Variants in NMT2 observed in about 807,000 individuals in gnomAD.
The protein encoded by NMT2 is glycylpeptide N-tetradecanoyltransferase 2.
A neutral mutation model predicts 65.4 loss-of-function variants in NMT2; 35 were observed. The ratio of observed to expected loss-of-function variants is 0.54; its 90% CI spans 0.41 to 0.71. NMT2 has a LOEUF of 0.71. Ranked by LOEUF, NMT2 falls within the 30% of genes least tolerant of loss-of-function variation. NMT2 has a pLI of 0.00. For missense variants in NMT2, 489 were observed against 611.3 expected (o/e 0.80, Z 2.11); for synonymous variants, 226 against 231.8 (o/e 0.98, Z 0.23).
At chr10:15,132,061 C>T (rs1210993803) in intron 6 of NMT2, among the ~76,000 whole-genome samples, 2 of 151,982 alleles carry the variant, frequency 1.3e-5, no homozygotes, top group Non-Finnish European at 2.9e-5. Context: ...GATGGGGTTT[C>T]GCCATGTTGG....
rs1564557199 is a variant in NMT2, at chr10:15,112,196, A to AGGGC, written c.1338+599_1338+600insGCCC. On this transcript the variant is annotated intron_variant, in intron 10 of 11. Transcript: ENST00000378165. ...GCTTTATATATATATATATATATAT[A>AGGGC]TATATATATATATATATATATTTTT... Among the ~76,000 whole-genome samples, 57 of 12,744 alleles carry AGGGC rather than the reference A, an allele frequency of 4.5e-3. 2 individuals are homozygous for AGGGC. Among genetic ancestry groups the AGGGC allele is most frequent in the Middle Eastern group, 0.019 (1 of 54 alleles). The allele number at this position is 12,744 out of a possible 152,430, so 8.4% of individuals were successfully genotyped here. A position where few individuals can be genotyped will look rare whatever the true frequency, so the allele number is the denominator to read the frequency against.
chr10:15,136,074 A>G (rs1304556687), intron 2 of NMT2, among the ~76,000 whole-genome samples: 1 of 151,974 alleles, frequency 6.6e-6, no homozygotes, highest in Non-Finnish European at 1.5e-5. Flanking sequence ...CAACAATACA[A>G]AAATTAGCCA....
intron 2 of NMT2, among the ~76,000 whole-genome samples, chr10:15,136,493 TGGAA>T (rs1205963402): frequency 7.4e-5 from 11 of 147,700 alleles, no homozygotes; most frequent in African/African-American, 1.0e-4. Context: ...GAAGGACAGA[TGGAA>T]GGAAGGAAGG....
intron 4 of NMT2, 26 bp from the exon 5 acceptor site, chr10:15,133,170 C>A: frequency 6.2e-7 from 1 of 1,604,370 alleles, no homozygotes; most frequent in Non-Finnish European, 8.5e-7. Context: ...AGTGTCCTAT[C>A]CATGGTGCTC....
At chr10:15,164,932 G>T (rs1264997405) in intron 1 of NMT2, among the ~76,000 whole-genome samples, 1 of 152,212 alleles carries the variant, frequency 6.6e-6, no homozygotes, top group East Asian at 1.9e-4. Flanking sequence ...TTGGGATGCA[G>T]AGGTGGGGAT....
chr10:15,134,529 C>T (rs1411579795), intron 3 of NMT2, among the ~76,000 whole-genome samples: 1 of 152,204 alleles, frequency 6.6e-6, no homozygotes, highest in South Asian at 2.1e-4. Flanking sequence ...GCCGCTCCTC[C>T]CCAGCCTGGC....
intron 6 of NMT2, among the ~76,000 whole-genome samples, chr10:15,132,103 G>A (rs1296965501): frequency 1.3e-5 from 2 of 152,144 alleles, no homozygotes; most frequent in Non-Finnish European, 2.9e-5. Flanking sequence ...GACCTCAAGT[G>A]ATCTGCCAGC....
chr10:15,138,487 C>A, intron 2 of NMT2: 1 of 470,936 alleles, frequency 2.1e-6, no homozygotes, highest in South Asian at 1.5e-5. Context: ...GAATATCTAC[C>A]CGACATTAAC....
intron 1 of NMT2, among the ~76,000 whole-genome samples, chr10:15,158,379 A>T (rs190167789): frequency 1.3e-5 from 2 of 152,278 alleles, no homozygotes; most frequent in Admixed American, 1.3e-4. Flanking sequence ...GTTACCATTT[A>T]AAAATGTTGG....
chr10:15,122,612 A>C (rs1564565351), intron 8 of NMT2, among the ~76,000 whole-genome samples: 1 of 151,988 alleles, frequency 6.6e-6, no homozygotes, highest in Non-Finnish European at 1.5e-5. Flanking sequence ...GTAGAGATGC[A>C]GTTTTATCGT....
intron 3 of NMT2, among the ~76,000 whole-genome samples, chr10:15,133,837 C>G (rs11259510): frequency 0.034 from 5,136 of 152,304 alleles, 96 homozygotes; most frequent in Middle Eastern, 0.044. Flanking sequence ...ATCCTCCCAC[C>G]TCAGCCTCCC....
intron 1 of NMT2, chr10:15,155,209 G>A: frequency 6.5e-7 from 1 of 1,532,772 alleles, no homozygotes; most frequent in Non-Finnish European, 9.0e-7. Flanking sequence ...CCAGTGCTCA[G>A]AGCACGAAAG....
chr10:15,135,453 A>G lies in NMT2; in HGVS notation c.247-35T>C, dbSNP rs1320364164. On this transcript the variant is annotated intron_variant, in intron 2 of 11. Coordinates refer to ENST00000378165, the MANE Select transcript of NMT2 (RefSeq NM_004808.3). ...CAAAGACAGACACAGAATATGAGAG[A>G]GCGGCTGCTGATGTTAAACTTGAGC... The G allele has an allele frequency of 3.1e-6, 5 of 1,604,068 alleles. No homozygotes were observed. The East Asian group carries it at 1.1e-4, about 36-fold the overall frequency.
At position 15,107,720 on chromosome 10, in the gene NMT2, G is replaced by A; in HGVS notation, c.*1475C>T. 2.1e-6 allele frequency: 2 copies of A among 963,236 alleles called. No individual in the cohort carries two copies. The highest frequency in any genetic ancestry group is 2.5e-6 in the Non-Finnish European group (2 of 809,708). 59.7% of individuals were successfully genotyped at this position (963,236 alleles called of 1,614,324 possible). On this transcript the variant is annotated 3_prime_UTR_variant, in exon 12 of 12. Transcript: ENST00000378165. The stretch of plus-strand genomic sequence containing the variant: ...TTCGCCCGCCTTGGCCTCCCAAAGT[G>A]CTGGGATTACAGGCGTGAGCCACCA...
rs1315863266 is a variant in NMT2, at chr10:15,108,597, C to G, written c.*598G>C. The G allele has an allele frequency of 2.0e-6, 2 of 985,766 alleles. No homozygotes were observed. Among genetic ancestry groups the G allele is most frequent in the Non-Finnish European group, 2.4e-6 (2 of 830,322 alleles). The allele number at this position is 985,766 out of a possible 1,614,324, so 61.1% of individuals were successfully genotyped here. On this transcript the variant is annotated 3_prime_UTR_variant, in exon 12 of 12. Coordinates refer to ENST00000378165, the MANE Select transcript of NMT2 (RefSeq NM_004808.3). Reference sequence around the variant, plus strand: ...ACTTGCATGTTTATTGATTCGGCAACTCTGCTTATGGAGAAATACATGTAC... The same window carrying G: ...ACTTGCATGTTTATTGATTCGGCAAGTCTGCTTATGGAGAAATACATGTAC...
intron 1 of NMT2, among the ~76,000 whole-genome samples, chr10:15,152,336 C>T (rs1554825625): frequency 6.6e-6 from 1 of 152,110 alleles, no homozygotes; most frequent in Non-Finnish European, 1.5e-5. Context: ...AGGAAAGAAA[C>T]AAATAAATTT....
In NMT2 at chr10:15,107,677, A is replaced by T. The variant is rs1024653731; in HGVS notation, c.*1518T>A. The T allele has an allele frequency of 1.1e-5, 8 of 721,858 alleles. No homozygotes were observed. Among genetic ancestry groups the T allele is most frequent in the Admixed American group, 1.3e-4 (2 of 15,872 alleles). 44.7% of individuals were successfully genotyped at this position (721,858 alleles called of 1,614,324 possible). A position where few individuals can be genotyped will look rare whatever the true frequency, so the allele number is the denominator to read the frequency against. ...ACCATGTTGGCCAGGCTGGTCTCGA[A>T]CCCCTGACCTCAAATGTTTCGCCCG... On this transcript the variant is annotated 3_prime_UTR_variant, in exon 12 of 12. Coordinates refer to ENST00000378165, the MANE Select transcript of NMT2 (RefSeq NM_004808.3).
intron 1 of NMT2, among the ~76,000 whole-genome samples, chr10:15,143,698 T>C (rs1846856093): frequency 6.6e-6 from 1 of 151,948 alleles, no homozygotes; most frequent in Non-Finnish European, 1.5e-5. Flanking sequence ...CCTGTCCCCA[T>C]AAAAAGTAAA....
At position 15,119,374 on chromosome 10, in the gene NMT2, C is replaced by A; in HGVS notation, c.1139G>T (p.Arg380Leu). ...EEEVAHWFLP[R>L]EHIIDTFVVE... ...TACAAACGTGTCAATAATGTGCTCC[C>A]GGGGGAGGAACCAGTGGGCTACTTC... Residue 380 changes from arginine to leucine, a missense_variant, in exon 9 of 12, where the codon CGG becomes CTG. Coordinates refer to ENST00000378165, the MANE Select transcript of NMT2 (RefSeq NM_004808.3). The A allele has an allele frequency of 1.2e-6, 2 of 1,614,122 alleles. No individual in the cohort carries two copies. The highest frequency in any genetic ancestry group is 1.7e-6 in the Non-Finnish European group (2 of 1,180,028).
Sources: allele counts gnomAD v4.1 joint callset (sites outside exome capture counted in the v4.1 genomes callset), GRCh38; gene constraint gnomAD v4.1.1; transcripts MANE v1.5; gene names NCBI Gene and HGNC (gene_info 2026-07-23, HGNC 2026-07-21).